Variants in IQUB observed in about 807,000 individuals in gnomAD.
IQUB encodes IQ motif and ubiquitin domain containing.
A neutral mutation model predicts 86.4 loss-of-function variants in IQUB; 86 were observed. The observed-to-expected ratio is 1.00, with a 90% CI of 0.84 to 1.19. IQUB has a LOEUF of 1.19. Among genes scored for constraint, IQUB ranks in the 50% most tolerant of loss-of-function variants. IQUB has a pLI of 0.00. For missense variants in IQUB, 946 were observed against 916.9 expected (o/e 1.03, Z -0.41); for synonymous variants, 289 against 304.5 (o/e 0.95, Z 0.53).
At chr7:123,518,500 T>C (rs12706536) in intron 1 of IQUB, among the ~76,000 whole-genome samples, 15,584 of 152,248 alleles carry the variant, frequency 0.1, 1,057 homozygotes, top group Middle Eastern at 0.17. Context: ...CCTGCCTCTC[T>C]GACCTCATCT....
intron 7 of IQUB, among the ~76,000 whole-genome samples, chr7:123,481,556 G>A (rs1795003352): frequency 1.3e-5 from 2 of 152,034 alleles, no homozygotes; most frequent in South Asian, 4.1e-4. Context: ...AAAAGATATA[G>A]TGCAGATACT....
intron 1 of IQUB, among the ~76,000 whole-genome samples, chr7:123,523,448 G>A (rs945450483): frequency 5.9e-5 from 9 of 151,926 alleles, no homozygotes; most frequent in Admixed American, 4.6e-4. Context: ...TTTCTCTGAT[G>A]GCCAGTGATG....
intron 8 of IQUB, among the ~76,000 whole-genome samples, chr7:123,478,786 C>T (rs148989454): frequency 5.0e-4 from 76 of 152,168 alleles, no homozygotes; most frequent in African/African-American, 1.6e-3. Flanking sequence ...AGGTTATATG[C>T]TACAGAACAA....
intron 8 of IQUB, 101 bp from the exon 9 acceptor site, chr7:123,469,485 A>G (rs1794430695): frequency 3.6e-6 from 2 of 554,534 alleles, no homozygotes; most frequent in Non-Finnish European, 5.9e-6. Context: ...CATGTGCTTT[A>G]TAACTAAAGT....
intron 6 of IQUB, among the ~76,000 whole-genome samples, chr7:123,497,587 T>C (rs1025815804): frequency 1.3e-5 from 2 of 151,908 alleles, no homozygotes; most frequent in African/African-American, 4.8e-5. Context: ...GAGTTTATCA[T>C]TTTTTTCTGA....
intron 8 of IQUB, among the ~76,000 whole-genome samples, chr7:123,474,316 C>T (rs1794660525): frequency 6.6e-6 from 1 of 152,128 alleles, no homozygotes; most frequent in South Asian, 2.1e-4. Context: ...TCTGAAAAAA[C>T]TCTGACCTTG....
chr7:123,454,095 A>G (rs1221256817), intron 12 of IQUB, among the ~76,000 whole-genome samples: 1 of 152,132 alleles, frequency 6.6e-6, no homozygotes, highest in Non-Finnish European at 1.5e-5. Context: ...ATATAGGAGT[A>G]TCCTGGGCTT....
intron 6 of IQUB, among the ~76,000 whole-genome samples, chr7:123,498,811 G>T (rs1175076898): frequency 1.3e-5 from 2 of 152,172 alleles, no homozygotes; most frequent in Non-Finnish European, 2.9e-5. Flanking sequence ...CCAGATCTTA[G>T]TTATATGGCC....
At chr7:123,462,393 C>A (rs1794033936) in intron 10 of IQUB, among the ~76,000 whole-genome samples, 1 of 151,608 alleles carries the variant, frequency 6.6e-6, no homozygotes, top group Non-Finnish European at 1.5e-5. Context: ...AAATATTTAC[C>A]ATTATAATCT....
chr7:123,461,498 T>C lies in IQUB; in HGVS notation c.1866A>G (p.Ile622Met). ...GGTTAATGCAGTTACGACACCGGTA[T>C]ATGCGGCGTGAGGTGGATGATACAG... ...EFSVSSTSRR[I>M]YRCRNCINLQ... The change falls in exon 11 of 13, where the codon ATA (isoleucine) becomes ATG (methionine). Residue 622 changes from isoleucine (I) to methionine (M), a missense_variant. Transcript: ENST00000324698. 1.2e-6 allele frequency: 2 copies of C among 1,612,406 alleles called. No homozygotes were observed. Among genetic ancestry groups the C allele is most frequent in the South Asian group, 2.2e-5 (2 of 91,022 alleles).
intron 1 of IQUB, among the ~76,000 whole-genome samples, chr7:123,513,646 T>C (rs1287447117): frequency 6.6e-6 from 1 of 152,156 alleles, no homozygotes; most frequent in Non-Finnish European, 1.5e-5. Flanking sequence ...AAAATATTTT[T>C]ATGTATTATT....
chr7:123,502,576 C>G, intron 6 of IQUB, 21 bp downstream of exon 6: 1 of 1,600,798 alleles, frequency 6.2e-7, no homozygotes, highest in Non-Finnish European at 8.5e-7. Context: ...TAGTATTCAT[C>G]CACAATAAAA....
intron 1 of IQUB, among the ~76,000 whole-genome samples, chr7:123,517,272 C>T (rs1486675892): frequency 6.6e-6 from 1 of 151,778 alleles, no homozygotes; most frequent in African/African-American, 2.4e-5. Context: ...TGGCTCATGC[C>T]TGTAATCCCA....
In IQUB at chr7:123,503,348, T is replaced by C; in HGVS notation, c.548A>G (p.Asn183Ser). 1 of 1,503,502 alleles carries C rather than the reference T, an allele frequency of 6.7e-7. No individual in the cohort carries two copies. The highest frequency in any genetic ancestry group is 9.0e-7 in the Non-Finnish European group (1 of 1,114,784). 93.1% of individuals were successfully genotyped at this position (1,503,502 alleles called of 1,614,324 possible). The change falls in exon 4 of 13, where the codon AAT (asparagine) becomes AGT (serine). Residue 183 changes from asparagine (N) to serine (S), a missense_variant. Physicochemically the swap from Asn to Ser is conservative, Grantham distance 46. Transcript: ENST00000324698. ...TCCATGTTGTACTAGAGTCTCATTA[T>C]TTTTAAGAATTTTTCCTAAAAATTG... ...QIRYSGKILKNNETLVQHGVK... is the reference protein window; with the variant it reads ...QIRYSGKILKSNETLVQHGVK...
At chr7:123,512,750 G>C (rs904357880) in intron 1 of IQUB, among the ~76,000 whole-genome samples, 1 of 152,126 alleles carries the variant, frequency 6.6e-6, no homozygotes, top group Non-Finnish European at 1.5e-5. Context: ...TATAGCAAGT[G>C]TACCCTGAAC....
At chr7:123,508,441 AC>A (rs1190655767) in intron 3 of IQUB, among the ~76,000 whole-genome samples, 1 of 152,176 alleles carries the variant, frequency 6.6e-6, no homozygotes, top group Admixed American at 6.5e-5. Context: ...TTATTTCTCT[AC>A]TTATTTCTGT....
intron 10 of IQUB, among the ~76,000 whole-genome samples, chr7:123,463,944 CT>C (rs1233762873): frequency 6.6e-5 from 10 of 151,462 alleles, no homozygotes; most frequent in Admixed American, 1.3e-4. Context: ...TTCCCTTGGA[CT>C]TTTGTTATAT....
chr7:123,478,368 A>G (rs1041324658), intron 8 of IQUB, among the ~76,000 whole-genome samples: 1 of 152,174 alleles, frequency 6.6e-6, no homozygotes, highest in African/African-American at 2.4e-5. Context: ...TGGGAAGTGA[A>G]CAATGAGAAC....
At chr7:123,467,122 T>C (rs925551019) in intron 9 of IQUB, among the ~76,000 whole-genome samples, 3 of 151,502 alleles carry the variant, frequency 2.0e-5, no homozygotes, top group Admixed American at 1.3e-4. Context: ...TTAAATAAAA[T>C]AATATAAATT....
Sources: allele counts gnomAD v4.1 joint callset (sites outside exome capture counted in the v4.1 genomes callset), GRCh38; gene constraint gnomAD v4.1.1; transcripts MANE v1.5; gene names NCBI Gene and HGNC (gene_info 2026-07-23, HGNC 2026-07-21).